Variants in MPPED1 observed in about 807,000 individuals in gnomAD.
MPPED1 encodes metallophosphoesterase domain-containing protein 1.
In MPPED1, 16 loss-of-function variants were observed where a neutral mutation model predicts 36.2. That is an observed-to-expected ratio of 0.44 (90% CI 0.30 to 0.67). The LOEUF is 0.67. MPPED1 is among the 30% of genes least tolerant of loss of function. MPPED1 has a pLI of 0.10. For synonymous variants in MPPED1, 199 were observed against 191.3 expected (o/e 1.04, Z -0.33); for missense variants, 307 against 453.4 (o/e 0.68, Z 2.93).
intron 4 of MPPED1, 62 bp downstream of exon 4, chr22:43,475,023 G>A (rs369451099): frequency 2.7e-6 from 4 of 1,479,148 alleles, no homozygotes; most frequent in Admixed American, 1.7e-5. Context: ...CTGAGCGCAG[G>A]GGGTGTAGGG....
chr22:43,415,426 T>C (rs1463853979), intron 1 of MPPED1, among the ~76,000 whole-genome samples: 1 of 152,072 alleles, frequency 6.6e-6, no homozygotes, highest in Non-Finnish European at 1.5e-5. Flanking sequence ...TTCCCCCTAA[T>C]GAGACAAGAC....
rs1929408843 is a variant in MPPED1 at position 43,424,951 on chromosome 22, G to A, written c.-35G>A. ...GGGGGGCCGGGCTGCGGTGGCGGCA[G>A]CGGTGGGAGATGCCGGGGCGGCCGG... On this transcript the variant is annotated 5_prime_UTR_variant, in exon 2 of 7. Transcript: ENST00000443721. 1.9e-6 allele frequency: 3 copies of A among 1,550,948 alleles called. No individual in the cohort carries two copies. Among genetic ancestry groups the A allele is most frequent in the African/African-American group, 1.4e-5 (1 of 73,178 alleles).
intron 4 of MPPED1, among the ~76,000 whole-genome samples, chr22:43,483,398 G>A (rs1172465393): frequency 1.3e-5 from 2 of 152,210 alleles, no homozygotes; most frequent in African/African-American, 4.8e-5. Context: ...GCCCCATGGC[G>A]TGCTCCACCC....
intron 3 of MPPED1, among the ~76,000 whole-genome samples, chr22:43,464,995 TG>T: frequency 6.6e-6 from 1 of 152,278 alleles, no homozygotes; most frequent in East Asian, 1.9e-4. Flanking sequence ...ACACCCTCCG[TG>T]GGCACCCCAC....
At chr22:43,488,844 G>C (rs1602009169) in intron 4 of MPPED1, among the ~76,000 whole-genome samples, 1 of 152,248 alleles carries the variant, frequency 6.6e-6, no homozygotes, top group Non-Finnish European at 1.5e-5. Flanking sequence ...GCCCTCCTCA[G>C]GCGCTGTGGT....
At chr22:43,500,326 TGGTGGTGGA>T (rs1228314438) in intron 5 of MPPED1, among the ~76,000 whole-genome samples, 76 of 117,624 alleles carry the variant, frequency 6.5e-4, no homozygotes, top group African/African-American at 2.2e-3. Flanking sequence ...GTGGTGATGG[TGGTGGTGGA>T]GGTGGTGGTG....
intron 3 of MPPED1, among the ~76,000 whole-genome samples, chr22:43,445,171 C>T (rs1601964250): frequency 6.6e-6 from 1 of 152,178 alleles, no homozygotes; most frequent in Non-Finnish European, 1.5e-5. Flanking sequence ...ACTTGAAGGC[C>T]TATTCCTGTG....
intron 4 of MPPED1, among the ~76,000 whole-genome samples, chr22:43,488,367 A>G (rs1201520854): frequency 4.6e-5 from 7 of 152,162 alleles, no homozygotes; most frequent in African/African-American, 9.7e-5. Flanking sequence ...CTACCTGGGG[A>G]GGCAGAGAAC....
intron 5 of MPPED1, among the ~76,000 whole-genome samples, chr22:43,499,036 G>A (rs141684045): frequency 0.087 from 13,167 of 152,062 alleles, 890 homozygotes; most frequent in African/African-American, 0.18. Context: ...CCATGGTCAT[G>A]GTGGAGGTGG....
In MPPED1 at chr22:43,496,020, T is replaced by TGGTGGTGGTGGA. The variant is rs1338489116; in HGVS notation, c.633-2211_633-2210insGTGGTGGAGGTG. Among the ~76,000 whole-genome samples, 5 of 86,298 alleles carry TGGTGGTGGTGGA rather than the reference T, an allele frequency of 5.8e-5. 1 individual carries two copies. Among genetic ancestry groups the TGGTGGTGGTGGA allele is most frequent in the African/African-American group, 1.4e-4 (3 of 22,012 alleles). 56.6% of individuals were successfully genotyped at this position (86,298 alleles called of 152,430 possible). A position where few individuals can be genotyped will look rare whatever the true frequency, so the allele number is the denominator to read the frequency against. ...GTGGTGGAGATGGTGGTGGTGGAGG[T>TGGTGGTGGTGGA]GGTGATGGTGGAGGTGGTGGTGGTG... is the stretch of plus-strand genomic sequence containing the variant. On this transcript the variant is annotated intron_variant, in intron 4 of 6. Transcript: ENST00000443721.
chr22:43,442,853 G>A (rs528862304), intron 3 of MPPED1, among the ~76,000 whole-genome samples: 2 of 152,296 alleles, frequency 1.3e-5, no homozygotes, highest in South Asian at 2.1e-4. Context: ...GTACCTCCCA[G>A]TGTCAGAGCC....
At chr22:43,501,423 C>G (rs1378088223) in intron 5 of MPPED1, among the ~76,000 whole-genome samples, 1 of 152,002 alleles carries the variant, frequency 6.6e-6, no homozygotes, top group African/African-American at 2.4e-5. Context: ...TCCATCTCTC[C>G]AAACATGGTG....
intron 3 of MPPED1, among the ~76,000 whole-genome samples, chr22:43,449,173 T>C (rs1347723909): frequency 6.6e-6 from 1 of 152,188 alleles, no homozygotes; most frequent in East Asian, 1.9e-4. Flanking sequence ...CGTATCCAAG[T>C]CACACGGGGG....
chr22:43,481,125 G>A (rs1722653850), intron 4 of MPPED1, among the ~76,000 whole-genome samples: 1 of 152,136 alleles, frequency 6.6e-6, no homozygotes, highest in South Asian at 2.1e-4. Context: ...GCCTGGCCCT[G>A]TTTCTATATT....
chr22:43,437,275 T>G (rs1039670935), intron 3 of MPPED1, among the ~76,000 whole-genome samples: 12 of 152,352 alleles, frequency 7.9e-5, no homozygotes, highest in African/African-American at 2.9e-4. Context: ...AGGGTCGTTT[T>G]TTCTATGAAG....
intron 4 of MPPED1, among the ~76,000 whole-genome samples, chr22:43,485,872 C>T (rs1931898103): frequency 1.3e-5 from 2 of 152,240 alleles, no homozygotes; most frequent in South Asian, 4.1e-4. Flanking sequence ...TGTGCCCCGG[C>T]CAGGTGTGTG....
chr22:43,490,901 A>C (rs1255123156), intron 4 of MPPED1, among the ~76,000 whole-genome samples: 1 of 152,062 alleles, frequency 6.6e-6, no homozygotes, highest in East Asian at 1.9e-4. Flanking sequence ...CCAGCTGTGA[A>C]CTCAGCAGGT....
chr22:43,475,565 AT>A (rs1931530811), intron 4 of MPPED1, among the ~76,000 whole-genome samples: 1 of 115,262 alleles, frequency 8.7e-6, no homozygotes, highest in African/African-American at 4.7e-5. Context: ...GGTGGTGATG[AT>A]GATGGTTGTG....
chr22:43,480,775 G>T lies in MPPED1; in HGVS notation c.632+5814G>T, dbSNP rs535285278. Among the ~76,000 whole-genome samples, 40 of 151,322 alleles carry T rather than the reference G, an allele frequency of 2.6e-4. 1 individual carries two copies. In the South Asian group the frequency reaches 8.2e-3, roughly 31 times the overall value. On this transcript the variant is annotated intron_variant, in intron 4 of 6. Coordinates refer to ENST00000443721, the MANE Select transcript of MPPED1 (RefSeq NM_001044370.2). Reference sequence around the variant, plus strand: ...AATGCTTTTGGTACCTTATTGCAGAGATCTTCTGTTCTCTGAAATAATGAA... The same window carrying T: ...AATGCTTTTGGTACCTTATTGCAGATATCTTCTGTTCTCTGAAATAATGAA...
Sources: allele counts gnomAD v4.1 joint callset (sites outside exome capture counted in the v4.1 genomes callset), GRCh38; gene constraint gnomAD v4.1.1; transcripts MANE v1.5; gene names NCBI Gene and HGNC (gene_info 2026-07-23, HGNC 2026-07-21).